The following HPSE2 variants were observed in gnomAD, a reference collection of about 807,000 sequenced individuals.
HPSE2 encodes the protein inactive heparanase-2.
In HPSE2, 38 loss-of-function variants were observed where a neutral mutation model predicts 60.5. The observed-to-expected ratio is 0.63, with a 90% CI of 0.48 to 0.82. The LOEUF (loss-of-function observed/expected upper bound fraction) is 0.82, where lower values mean the gene tolerates loss of function less well. HPSE2 is among the 40% of genes least tolerant of loss of function. HPSE2 has a pLI of 0.00. For missense variants in HPSE2, 713 were observed against 740.4 expected (o/e 0.96, Z 0.43); for synonymous variants, 295 against 293.2 (o/e 1.01, Z -0.06).
At chr10:98,858,349 T>C (rs1400318308) in intron 3 of HPSE2, among the ~76,000 whole-genome samples, 1 of 152,180 alleles carries the variant, frequency 6.6e-6, no homozygotes, top group Non-Finnish European at 1.5e-5. Flanking sequence ...AAAACCCCTG[T>C]GAAGCATGAT....
At chr10:98,627,092 AG>A (rs1946238008) in intron 7 of HPSE2, among the ~76,000 whole-genome samples, 1 of 152,174 alleles carries the variant, frequency 6.6e-6, no homozygotes, top group Admixed American at 6.5e-5. Context: ...ATTTTTCAAA[AG>A]GAGTTCAAAC....
At chr10:98,747,638 G>C (rs1251727723) in intron 3 of HPSE2, among the ~76,000 whole-genome samples, 1 of 152,164 alleles carries the variant, frequency 6.6e-6, no homozygotes, top group East Asian at 1.9e-4. Flanking sequence ...TTTAAGTCCT[G>C]CCTCTTCCAT....
chr10:98,517,165 G>A (rs1361537362), intron 9 of HPSE2, among the ~76,000 whole-genome samples: 1 of 142,080 alleles, frequency 7.0e-6, no homozygotes, highest in East Asian at 2.3e-4. Context: ...ACTATCGATA[G>A]CTTGGGCCTG....
intron 9 of HPSE2, among the ~76,000 whole-genome samples, chr10:98,525,392 A>G (rs1942934836): frequency 6.6e-6 from 1 of 152,194 alleles, no homozygotes; most frequent in Non-Finnish European, 1.5e-5. Context: ...CCATCACAAC[A>G]TCTCCTTCGT....
intron 9 of HPSE2, among the ~76,000 whole-genome samples, chr10:98,602,221 G>T (rs537068710): frequency 1.3e-5 from 2 of 152,208 alleles, no homozygotes; most frequent in Admixed American, 1.3e-4. Context: ...CTTGGCTTTT[G>T]GTCACTTTCC....
chr10:98,719,539 T>G (rs1017967389), intron 5 of HPSE2, among the ~76,000 whole-genome samples: 21 of 151,538 alleles, frequency 1.4e-4, no homozygotes, highest in African/African-American at 4.6e-4. Context: ...AAAATTTACA[T>G]TAAAAATTTA....
At chr10:98,525,677 C>T (rs1043353278) in intron 9 of HPSE2, among the ~76,000 whole-genome samples, 6 of 152,138 alleles carry the variant, frequency 3.9e-5, no homozygotes, top group African/African-American at 1.2e-4. Context: ...GTGGTGACCG[C>T]TATTTACCTG....
upstream of HPSE2, among the ~76,000 whole-genome samples, chr10:99,237,382 G>A (rs1036633164): frequency 6.6e-6 from 1 of 152,160 alleles, no homozygotes; most frequent in African/African-American, 2.4e-5. Flanking sequence ...AGCAAACGCT[G>A]TAATAGCAAC....
At chr10:98,482,379 G>C (rs1941270883) in intron 11 of HPSE2, among the ~76,000 whole-genome samples, 1 of 152,152 alleles carries the variant, frequency 6.6e-6, no homozygotes, top group Non-Finnish European at 1.5e-5. Context: ...GAATCATCTG[G>C]CTCAAATACC....
rs572093473 is a variant in HPSE2 at position 98,490,118 on chromosome 10, T to C, written c.1399A>G (p.Lys467Glu). The change falls in exon 10 of 12, where the codon AAG (lysine) becomes GAG (glutamate). Residue 467 changes from lysine (K) to glutamate (E), a missense_variant. Coordinates refer to ENST00000370552, the MANE Select transcript of HPSE2 (RefSeq NM_021828.5). The part of the protein sequence containing the change: ...LAVHVAGLQR[K>E]PRPGRVIRDK... Reference sequence around the variant, plus strand: ...CGGATCACTCGGCCAGGCCGTGGCTTCCGCTGGAGCCCAGCCACATGCACA... The same window carrying C: ...CGGATCACTCGGCCAGGCCGTGGCTCCCGCTGGAGCCCAGCCACATGCACA... The C allele has an allele frequency of 2.5e-6, 4 of 1,614,232 alleles. No individual in the cohort carries two copies. In the East Asian group the frequency reaches 6.7e-5, roughly 27 times the overall value.
At chr10:98,783,093 C>T (rs1434582555) in intron 3 of HPSE2, among the ~76,000 whole-genome samples, 1 of 58,018 alleles carries the variant, frequency 1.7e-5, no homozygotes, top group African/African-American at 7.0e-5. Context: ...CTCCCCCCTC[C>T]CCCGACCCCA....
At chr10:98,669,279 T>C (rs1024772017) in intron 6 of HPSE2, among the ~76,000 whole-genome samples, 1 of 152,334 alleles carries the variant, frequency 6.6e-6, no homozygotes, top group East Asian at 1.9e-4. Flanking sequence ...TTATATACTG[T>C]TTGTGGGAAC....
At chr10:98,729,259 A>G (rs1949168401) in intron 4 of HPSE2, among the ~76,000 whole-genome samples, 1 of 152,306 alleles carries the variant, frequency 6.6e-6, no homozygotes, top group East Asian at 1.9e-4. Flanking sequence ...CTAATATGAG[A>G]CATATTTCAG....
chr10:98,481,585 G>A (rs1316958043), intron 11 of HPSE2, among the ~76,000 whole-genome samples: 5 of 152,296 alleles, frequency 3.3e-5, no homozygotes, highest in Middle Eastern at 3.4e-3. Flanking sequence ...CATGTGAACC[G>A]AGACTGAAAA....
At chr10:99,141,153 T>G (rs1406671207) in intron 3 of HPSE2, among the ~76,000 whole-genome samples, 1 of 152,156 alleles carries the variant, frequency 6.6e-6, no homozygotes, top group Non-Finnish European at 1.5e-5. Flanking sequence ...ACACATCTGA[T>G]TCCTGTTCTT....
intron 9 of HPSE2, among the ~76,000 whole-genome samples, chr10:98,541,675 A>G (rs1943466454): frequency 6.8e-6 from 1 of 147,476 alleles, no homozygotes; most frequent in Non-Finnish European, 1.5e-5. Context: ...CATCCCACAC[A>G]TGGCTCAGAG....
At position 98,517,214 on chromosome 10, in the gene HPSE2, G is replaced by A. The variant is rs150682561; in HGVS notation, c.1321-27018C>T. On this transcript the variant is annotated intron_variant, in intron 9 of 11. Coordinates refer to ENST00000370552, the MANE Select transcript of HPSE2 (RefSeq NM_021828.5). ...GGGTGTGGGGTGGGGGGGGCGAGGC[G>A]AGGGGGTGCATTGCAGGATATTCAG... is the stretch of plus-strand genomic sequence containing the variant. 4.6e-3 allele frequency among the ~76,000 whole-genome samples: 703 copies of A among 151,338 alleles called. 6 individuals carry two copies. The highest frequency in any genetic ancestry group is 0.015 in the African/African-American group (636 of 41,262).
At chr10:98,632,594 G>C (rs1946392878) in intron 7 of HPSE2, among the ~76,000 whole-genome samples, 1 of 151,922 alleles carries the variant, frequency 6.6e-6, no homozygotes, top group African/African-American at 2.4e-5. Context: ...GTTTCCCTTA[G>C]GTCATATTCT....
chr10:98,853,499 T>A (rs1952232455), intron 3 of HPSE2, among the ~76,000 whole-genome samples: 1 of 152,170 alleles, frequency 6.6e-6, no homozygotes, highest in Admixed American at 6.6e-5. Flanking sequence ...TCCTTTTTTA[T>A]CTTGTCTCCT....
Sources: gnomAD v4.1 joint callset for allele counts (sites outside exome capture counted in the v4.1 genomes callset) on GRCh38, gnomAD v4.1.1 for gene constraint, MANE v1.5 for transcripts, NCBI Gene and HGNC (gene_info 2026-07-23, HGNC 2026-07-21) for gene names.